Variants in CTTNBP2 observed in about 807,000 individuals in gnomAD.
The protein encoded by CTTNBP2 is cortactin binding protein 2, also known as cortactin-binding protein 2.
In CTTNBP2, 108 loss-of-function variants were observed where a neutral mutation model predicts 156.9. That is an observed-to-expected ratio of 0.69 (90% CI 0.59 to 0.81). CTTNBP2 has a LOEUF of 0.81. Ranked by LOEUF, CTTNBP2 falls within the 30% of genes least tolerant of loss-of-function variation. CTTNBP2 has a pLI of 0.00. For synonymous variants in CTTNBP2, 767 were observed against 751.8 expected, an observed-to-expected ratio of 1.02 and a Z score of -0.33; for missense variants, 1,924 against 2,035.4, an observed-to-expected ratio of 0.95 and a Z score of 1.05.
chr7:117,847,513 C>A (rs573095550), intron 2 of CTTNBP2, among the ~76,000 whole-genome samples: 1 of 152,184 alleles, frequency 6.6e-6, no homozygotes, highest in Admixed American at 6.5e-5. Context: ...CCAGCCTGGG[C>A]AACAGAGCAA....
At chr7:117,758,585 G>A (rs1316388971) in intron 10 of CTTNBP2, among the ~76,000 whole-genome samples, 4 of 151,998 alleles carry the variant, frequency 2.6e-5, no homozygotes, top group African/African-American at 9.7e-5. Flanking sequence ...CAATTCTTAA[G>A]TATCTATTCT....
chr7:117,854,798 T>G (rs1803175495), intron 2 of CTTNBP2, among the ~76,000 whole-genome samples: 1 of 152,176 alleles, frequency 6.6e-6, no homozygotes. Context: ...ATTTATTTAT[T>G]TTTTGAGACA....
At chr7:117,743,371 G>A (rs1476311649) in intron 14 of CTTNBP2, among the ~76,000 whole-genome samples, 3 of 152,142 alleles carry the variant, frequency 2.0e-5, no homozygotes, top group South Asian at 2.1e-4. Flanking sequence ...GCACTAGGGC[G>A]TTTTTAAAGC....
intron 8 of CTTNBP2, among the ~76,000 whole-genome samples, chr7:117,768,606 A>AAAG (rs1797642054): frequency 6.6e-6 from 1 of 151,644 alleles, no homozygotes; most frequent in Admixed American, 6.6e-5. Context: ...AGAAAGAAAT[A>AAAG]TAATATTCAC....
rs1794042715 is a variant in CTTNBP2 at position 117,711,359 on chromosome 7, A to G, written c.*178T>C. On this transcript the variant is annotated 3_prime_UTR_variant, in exon 23 of 23. Transcript: ENST00000160373. Reference sequence around the variant, plus strand: ...TCAATCCTACAGAATTAAAAAAAAAAGCAACAAAATGTTGGTTATAAATAC... The same window carrying G: ...TCAATCCTACAGAATTAAAAAAAAAGGCAACAAAATGTTGGTTATAAATAC... 1 of 632,648 alleles carries G rather than the reference A, an allele frequency of 1.6e-6. No individual in the cohort carries two copies. 39.2% of individuals were successfully genotyped at this position (632,648 alleles called of 1,614,324 possible). A position where few individuals can be genotyped will look rare whatever the true frequency, so the allele number is the denominator to read the frequency against.
intron 3 of CTTNBP2, among the ~76,000 whole-genome samples, chr7:117,809,725 A>C (rs528600282): frequency 6.6e-6 from 1 of 152,332 alleles, no homozygotes; most frequent in East Asian, 1.9e-4. Flanking sequence ...GTAAAGATGA[A>C]ATTTCAGGGA....
chr7:117,851,209 G>A (rs1028923332), intron 2 of CTTNBP2, among the ~76,000 whole-genome samples: 3 of 151,776 alleles, frequency 2.0e-5, no homozygotes, highest in African/African-American at 7.3e-5. Context: ...TTGAGTCCAG[G>A]TTGAGCAACA....
intron 22 of CTTNBP2, chr7:117,713,825 CTAATATA>C: frequency 6.6e-6 from 1 of 152,224 alleles, no homozygotes; most frequent in East Asian, 1.9e-4. Flanking sequence ...CAATGTAACT[CTAATATA>C]TACTTGGCTA....
At chr7:117,755,993 G>A (rs1417106753) in intron 12 of CTTNBP2, among the ~76,000 whole-genome samples, 1 of 152,222 alleles carries the variant, frequency 6.6e-6, no homozygotes, top group African/African-American at 2.4e-5. Context: ...ACATCCCAGG[G>A]AAGAGTGGAG....
intron 2 of CTTNBP2, among the ~76,000 whole-genome samples, chr7:117,831,153 TC>T (rs1221095886): frequency 1.3e-5 from 2 of 152,222 alleles, no homozygotes; most frequent in African/African-American, 4.8e-5. Flanking sequence ...TCTGTCGTTA[TC>T]CAGGAGTCCC....
intron 11 of CTTNBP2, among the ~76,000 whole-genome samples, chr7:117,756,944 GC>G (rs774036807): frequency 3.3e-5 from 5 of 152,154 alleles, no homozygotes; most frequent in Non-Finnish European, 5.9e-5. Context: ...CAAACACTGT[GC>G]CCAGTATCTG....
At chr7:117,811,812 A>G (rs1025354493) in intron 2 of CTTNBP2, among the ~76,000 whole-genome samples, 1 of 150,788 alleles carries the variant, frequency 6.6e-6, no homozygotes, top group Admixed American at 6.6e-5. Flanking sequence ...TTTTTAATGT[A>G]AAAATTTTAA....
At chr7:117,847,968 G>A (rs1466281021) in intron 2 of CTTNBP2, among the ~76,000 whole-genome samples, 1 of 151,534 alleles carries the variant, frequency 6.6e-6, no homozygotes, top group Non-Finnish European at 1.5e-5. Context: ...ACAAGCATGT[G>A]CTGCCACGCC....
At chr7:117,732,448 A>G (rs1250432058) in intron 16 of CTTNBP2, among the ~76,000 whole-genome samples, 5 of 151,748 alleles carry the variant, frequency 3.3e-5, no homozygotes, top group Non-Finnish European at 2.9e-5. Flanking sequence ...CAGGAGATCG[A>G]GACCATCCTG....
At chr7:117,714,236 G>A (rs1210679923) in intron 22 of CTTNBP2, 1 of 152,200 alleles carries the variant, frequency 6.6e-6, no homozygotes, top group African/African-American at 2.4e-5. Context: ...GAGTTGGATG[G>A]TGATAGTCAC....
intron 12 of CTTNBP2, among the ~76,000 whole-genome samples, chr7:117,754,159 G>A (rs1796763926): frequency 6.6e-6 from 1 of 152,112 alleles, no homozygotes; most frequent in Non-Finnish European, 1.5e-5. Context: ...ACACATTTGT[G>A]TCTGCGGTTC....
At chr7:117,756,698 C>T (rs1796904964) in intron 11 of CTTNBP2, 64 bp from the exon 12 acceptor site, 6 of 1,040,516 alleles carry the variant, frequency 5.8e-6, no homozygotes, top group Non-Finnish European at 9.1e-6. Context: ...GATCAAAACA[C>T]AACAGAATCT....
At chr7:117,783,639 T>G (rs1798549085) in intron 5 of CTTNBP2, among the ~76,000 whole-genome samples, 1 of 152,194 alleles carries the variant, frequency 6.6e-6, no homozygotes, top group African/African-American at 2.4e-5. Flanking sequence ...AATCCTCCAT[T>G]TATCTGAATT....
In CTTNBP2 at chr7:117,730,834, G is replaced by A. The variant is rs150786676; in HGVS notation, c.3877-2567C>T. Among the ~76,000 whole-genome samples the A allele has an allele frequency of 1.3e-4, 20 of 151,106 alleles. 1 individual carries two copies. The highest frequency in any genetic ancestry group is 4.6e-4 in the African/African-American group (19 of 41,082). On this transcript the variant is annotated intron_variant, in intron 16 of 22. Coordinates refer to ENST00000160373, the MANE Select transcript of CTTNBP2 (RefSeq NM_033427.3). ...AAAAAATTCGGGGGGATGGGGACAG[G>A]GGGTATATTTTTATCTTCATTAATA...
Sources: allele counts gnomAD v4.1 joint callset (sites outside exome capture counted in the v4.1 genomes callset), GRCh38; gene constraint gnomAD v4.1.1; transcripts MANE v1.5; gene names NCBI Gene and HGNC (gene_info 2026-07-23, HGNC 2026-07-21).